The following ABCB1 variants were observed in gnomAD, a reference collection of about 807,000 sequenced individuals.
ABCB1 encodes ATP binding cassette subfamily B member 1, also known as ATP-dependent translocase ABCB1.
In ABCB1, 69 loss-of-function variants were observed where a neutral mutation model predicts 142.0. That is an observed-to-expected ratio of 0.49 (90% CI 0.40 to 0.59). The LOEUF is 0.59. Ranked by LOEUF, ABCB1 falls within the 20% of genes least tolerant of loss-of-function variation. The pLI is 0.00. For missense variants in ABCB1, 1,326 were observed against 1,554.7 expected (o/e 0.85, Z 2.47); for synonymous variants, 532 against 539.2 (o/e 0.99, Z 0.18).
intron 27 of ABCB1, among the ~76,000 whole-genome samples, chr7:87,504,791 C>T (rs1348910250): frequency 4.2e-5 from 6 of 141,904 alleles, no homozygotes; most frequent in Admixed American, 7.3e-5. Flanking sequence ...GGCGACAGAG[C>T]GAGACTCCAT....
At chr7:87,684,151 A>G (rs184311813) in intron 1 of ABCB1, among the ~76,000 whole-genome samples, 2 of 152,330 alleles carry the variant, frequency 1.3e-5, no homozygotes, top group African/African-American at 4.8e-5. Flanking sequence ...CTTAAAGGGC[A>G]TCTACAGAAG....
At chr7:87,522,186 T>C (rs1346302127) in intron 21 of ABCB1, 4 of 1,436,462 alleles carry the variant, frequency 2.8e-6, no homozygotes, top group African/African-American at 1.4e-5. Flanking sequence ...GCAGTGGGGA[T>C]GGCTATAATG....
intron 20 of ABCB1, among the ~76,000 whole-genome samples, chr7:87,534,801 G>C (rs1017705394): frequency 6.6e-5 from 10 of 151,368 alleles, no homozygotes; most frequent in African/African-American, 9.7e-5. Flanking sequence ...TGTGGTCCCA[G>C]CTACCAGGAA....
At chr7:87,523,525 G>A (rs962514915) in intron 21 of ABCB1, among the ~76,000 whole-genome samples, 4 of 152,158 alleles carry the variant, frequency 2.6e-5, no homozygotes, top group Admixed American at 2.0e-4. Flanking sequence ...GCTACTGGGA[G>A]GCAGAGGAAG....
chr7:87,642,714 T>C (rs1290859377), intron 1 of ABCB1, among the ~76,000 whole-genome samples: 1 of 152,118 alleles, frequency 6.6e-6, no homozygotes, highest in Non-Finnish European at 1.5e-5. Flanking sequence ...CTGTCTTTTT[T>C]ATTTTAAGAG....
chr7:87,541,514 T>G, intron 17 of ABCB1, 50 bp from the exon 18 acceptor site: 1 of 1,267,638 alleles, frequency 7.9e-7, no homozygotes, highest in South Asian at 1.2e-5. Flanking sequence ...GAAGAACCCA[T>G]CCTGGACCTG....
chr7:87,683,154 T>A (rs977322631), intron 1 of ABCB1, among the ~76,000 whole-genome samples: 1 of 152,216 alleles, frequency 6.6e-6, no homozygotes. Context: ...TCTTTGCCTC[T>A]CTCATCCTTC....
At position 87,637,009 on chromosome 7, in the gene ABCB1, A is replaced by C. The variant is rs1218288665; in HGVS notation, c.-330-35931T>G. Among the ~76,000 whole-genome samples the C allele has an allele frequency of 3.3e-5, 5 of 152,192 alleles. No homozygotes were observed. In the East Asian group the frequency reaches 9.6e-4, roughly 29 times the overall value. The stretch of plus-strand genomic sequence containing the variant: ...AACATGAGAACCAAGCAAAGGGGGA[A>C]GCCCCTTATAAAACCATCAGCTCTC... On this transcript the variant is annotated intron_variant, in intron 1 of 28. Coordinates refer to the ABCB1 transcript ENST00000265724.
intron 4 of ABCB1, among the ~76,000 whole-genome samples, chr7:87,582,912 G>T (rs935747719): frequency 6.6e-6 from 1 of 152,030 alleles, no homozygotes; most frequent in Non-Finnish European, 1.5e-5. Flanking sequence ...GGTCATAGTT[G>T]GAGGATACCT....
chr7:87,703,913 G>GTTTTTTTTTTTTTTTTTTTTTTTTTTTT (rs1829340053), intron 1 of ABCB1, among the ~76,000 whole-genome samples: 1 of 31,286 alleles, frequency 3.2e-5, no homozygotes, highest in Non-Finnish European at 6.0e-5. Flanking sequence ...TTTTTTTTTT[G>GTTTTTTTTTTTTTTTTTTTTTTTTTTTT]GTTTTTTTTT....
At chr7:87,582,647 T>C (rs766447830) in intron 4 of ABCB1, among the ~76,000 whole-genome samples, 2 of 152,248 alleles carry the variant, frequency 1.3e-5, no homozygotes, top group African/African-American at 2.4e-5. Flanking sequence ...ATACGGTTTG[T>C]ACAACTACTC....
At chr7:87,566,045 A>C in intron 7 of ABCB1, 25 bp downstream of exon 7, 2 of 1,614,010 alleles carry the variant, frequency 1.2e-6, no homozygotes, top group Non-Finnish European at 1.7e-6. Context: ...GCAGTTCAAA[A>C]TCTGGATTCA....
In ABCB1 at chr7:87,568,044, C is replaced by T. The variant is rs1034313632; in HGVS notation, c.339-1068G>A. ...CTTGAGCCCAGGAAGCAGAGGTTGC[C>T]GGGAGCCGAGATCGTGCCACTGCAC... is the stretch of plus-strand genomic sequence containing the variant. On this transcript the variant is annotated intron_variant, in intron 5 of 27. Coordinates refer to ENST00000622132, the MANE Select transcript of ABCB1 (RefSeq NM_001348946.2). Among the ~76,000 whole-genome samples, 20 of 149,682 alleles carry T rather than the reference C, an allele frequency of 1.3e-4. 1 individual carries two copies. The highest frequency in any genetic ancestry group is 6.4e-4 in the South Asian group (3 of 4,700).
intron 1 of ABCB1, among the ~76,000 whole-genome samples, chr7:87,619,810 G>A (rs1170366751): frequency 1.3e-5 from 2 of 151,588 alleles, no homozygotes; most frequent in African/African-American, 2.4e-5. Flanking sequence ...ATTTCAAGAG[G>A]AATCATTAAT....
intron 1 of ABCB1, chr7:87,628,875 G>T: frequency 7.8e-7 from 1 of 1,289,956 alleles, no homozygotes; most frequent in Non-Finnish European, 9.9e-7. Flanking sequence ...CGGTGGCGGC[G>T]GAGGCGGCAA....
intron 3 of ABCB1, among the ~76,000 whole-genome samples, chr7:87,588,204 A>C (rs1344764030): frequency 6.6e-6 from 1 of 151,344 alleles, no homozygotes; most frequent in Non-Finnish European, 1.5e-5. Context: ...TTTTAAGTTC[A>C]TGGGTACAAA....
At chr7:87,705,528 C>T (rs1829505679) in intron 1 of ABCB1, among the ~76,000 whole-genome samples, 1 of 152,124 alleles carries the variant, frequency 6.6e-6, no homozygotes, top group Non-Finnish European at 1.5e-5. Flanking sequence ...TTAAACATAG[C>T]CTAACAATAG....
chr7:87,677,744 A>G (rs1330171564), intron 1 of ABCB1, among the ~76,000 whole-genome samples: 2 of 152,224 alleles, frequency 1.3e-5, no homozygotes, highest in Non-Finnish European at 2.9e-5. Flanking sequence ...TAAACACATG[A>G]TAATCAAACT....
intron 14 of ABCB1, 52 bp from the exon 15 acceptor site, chr7:87,546,076 A>G: frequency 6.4e-7 from 1 of 1,573,488 alleles, no homozygotes; most frequent in Non-Finnish European, 8.7e-7. Context: ...ACCTGAAGAA[A>G]CTTAACCATT....
Sources: gnomAD v4.1 joint callset for allele counts (sites outside exome capture counted in the v4.1 genomes callset) on GRCh38, gnomAD v4.1.1 for gene constraint, MANE v1.5 for transcripts, NCBI Gene and HGNC (gene_info 2026-07-23, HGNC 2026-07-21) for gene names.